SUMF1: variants seen among roughly 807,000 people sequenced by gnomAD.
The protein encoded by SUMF1 is formylglycine-generating enzyme.
A neutral mutation model predicts 47.6 loss-of-function variants in SUMF1; 48 were observed. The observed-to-expected ratio is 1.01, with a 90% CI of 0.80 to 1.28. The LOEUF (loss-of-function observed/expected upper bound fraction) is 1.28, where lower values mean the gene tolerates loss of function less well. Ranked by LOEUF, SUMF1 falls within the 50% of genes most tolerant of loss-of-function variation. The probability of loss-of-function intolerance (pLI) is 0.00; values close to 1 mark genes in which losing one functional copy is unlikely to be tolerated. For synonymous variants in SUMF1, 230 were observed against 192.1 expected (o/e 1.20, Z -1.63); for missense variants, 571 against 485.4 (o/e 1.18, Z -1.66).
Position 4,308,239 on chromosome 3 carries a change from T to A in SUMF1, c.1014+68091A>T, listed in dbSNP as rs1216331380. ...CCTAGACACAATTTTGGTTTGAATA[T>A]GTTTGAACCTGGAAAGTTTAACTCC... On this transcript the variant is annotated intron_variant and NMD_transcript_variant, in intron 8 of 12. Transcript: ENST00000448413. 2.6e-5 allele frequency among the ~76,000 whole-genome samples: 4 copies of A among 152,208 alleles called. No homozygotes were observed. The East Asian group carries it at 7.7e-4, about 29-fold the overall frequency.
intron 8 of SUMF1, among the ~76,000 whole-genome samples, chr3:4,196,750 C>A (rs1215076035): frequency 6.6e-6 from 1 of 152,160 alleles, no homozygotes; most frequent in African/African-American, 2.4e-5. Flanking sequence ...TATTTCCTCA[C>A]CTGCAATGTA....
intron 8 of SUMF1, among the ~76,000 whole-genome samples, chr3:4,214,966 G>T (rs1262808607): frequency 1.3e-5 from 2 of 152,058 alleles, no homozygotes; most frequent in African/African-American, 2.4e-5. Context: ...TCTATCAGAG[G>T]TACAAAGAGG....
chr3:4,449,388 T>A, intron 2 of SUMF1, 48 bp from the exon 3 acceptor site: 1 of 1,561,844 alleles, frequency 6.4e-7, no homozygotes, highest in Non-Finnish European at 8.8e-7. Context: ...TGTAGTAATG[T>A]GTTGCATGTG....
chr3:4,072,782 GA>G (rs746835411), intron 8 of SUMF1, among the ~76,000 whole-genome samples: 5 of 151,934 alleles, frequency 3.3e-5, no homozygotes, highest in Non-Finnish European at 7.4e-5. Context: ...CAAGATTAGA[GA>G]AAAAAAGAGT....
At chr3:4,220,509 ATT>A (rs966660690) in intron 8 of SUMF1, among the ~76,000 whole-genome samples, 12 of 151,678 alleles carry the variant, frequency 7.9e-5, no homozygotes, top group Non-Finnish European at 1.6e-4. Flanking sequence ...TTTCATTTTC[ATT>A]TGTTTCCTTT....
At chr3:4,465,507 G>A (rs911169331) in intron 1 of SUMF1, among the ~76,000 whole-genome samples, 3 of 151,424 alleles carry the variant, frequency 2.0e-5, no homozygotes, top group Non-Finnish European at 2.9e-5. Context: ...AAAAAAGAAA[G>A]AGAGATTGAT....
rs61612495 is a variant in SUMF1, at chr3:4,425,916, G to A, written c.520-5770C>T. On this transcript the variant is annotated intron_variant, in intron 3 of 8. Coordinates refer to ENST00000272902, the MANE Select transcript of SUMF1 (RefSeq NM_182760.4). ...AGAGGGCAAGAGAGCATGTGCAGGGGAACTCCCTTTTATAAAACCATCACC... is the reference window on the plus strand; with the variant it reads ...AGAGGGCAAGAGAGCATGTGCAGGGAAACTCCCTTTTATAAAACCATCACC... Among the ~76,000 whole-genome samples, 1,009 of 152,268 alleles carry A rather than the reference G, an allele frequency of 6.6e-3. 15 individuals are homozygous for A. The highest frequency in any genetic ancestry group is 0.023 in the African/African-American group (962 of 41,550).
At chr3:4,460,623 T>TGTGTGA (rs1230004054) in intron 1 of SUMF1, among the ~76,000 whole-genome samples, 2 of 147,348 alleles carry the variant, frequency 1.4e-5, no homozygotes, top group Non-Finnish European at 3.0e-5. Context: ...TGTGTGTGTG[T>TGTGTGA]GAGAGTGTGT....
intron 8 of SUMF1, among the ~76,000 whole-genome samples, chr3:4,121,778 C>T (rs958250515): frequency 1.3e-5 from 2 of 151,956 alleles, no homozygotes; most frequent in Non-Finnish European, 2.9e-5. Context: ...AGGTAAACTA[C>T]TGTCATGAGG....
intron 9 of SUMF1, among the ~76,000 whole-genome samples, chr3:4,038,417 G>C (rs1014818145): frequency 6.6e-6 from 1 of 152,142 alleles, no homozygotes; most frequent in African/African-American, 2.4e-5. Context: ...TACGGTCTTT[G>C]CTCCTTCATT....
At chr3:4,323,863 T>G (rs868318527) in intron 8 of SUMF1, among the ~76,000 whole-genome samples, 1 of 152,112 alleles carries the variant, frequency 6.6e-6, no homozygotes, top group Non-Finnish European at 1.5e-5. Flanking sequence ...AGATAAGAGA[T>G]AGATTAATTA....
chr3:4,084,375 A>G (rs576685889), intron 8 of SUMF1, among the ~76,000 whole-genome samples: 3 of 152,300 alleles, frequency 2.0e-5, no homozygotes, highest in Non-Finnish European at 4.4e-5. Flanking sequence ...AGTACAGCTC[A>G]TGGTTCTGAC....
At chr3:4,334,425 C>A (rs1002466673) in intron 8 of SUMF1, among the ~76,000 whole-genome samples, 2 of 152,166 alleles carry the variant, frequency 1.3e-5, no homozygotes, top group African/African-American at 4.8e-5. Flanking sequence ...TTTACAAGAT[C>A]TAGAATCACC....
intron 8 of SUMF1, among the ~76,000 whole-genome samples, chr3:4,243,811 A>G (rs1365413411): frequency 6.6e-6 from 1 of 152,192 alleles, no homozygotes; most frequent in African/African-American, 2.4e-5. Flanking sequence ...AGTCCTGGGT[A>G]GCCTTGTTAA....
At position 4,361,256 on chromosome 3, in the gene SUMF1, T is replaced by C. The variant is rs551541570; in HGVS notation, c.*888A>G. The C allele has an allele frequency of 6.5e-6, 1 of 152,758 alleles. No individual in the cohort carries two copies. Among genetic ancestry groups the C allele is most frequent in the Admixed American group, 6.5e-5 (1 of 15,300 alleles). The allele number at this position is 152,758 out of a possible 1,614,324, so 9.5% of individuals were successfully genotyped here. Reference sequence around the variant, plus strand: ...ATTACAAAATACCGGATACCCTGAATATAGCTCATTCAAGGTCCTCGTTCC... The same window carrying C: ...ATTACAAAATACCGGATACCCTGAACATAGCTCATTCAAGGTCCTCGTTCC... On this transcript the variant is annotated 3_prime_UTR_variant, in exon 9 of 9. Coordinates refer to ENST00000272902, the MANE Select transcript of SUMF1 (RefSeq NM_182760.4).
At chr3:4,097,946 C>G (rs1692942977) in intron 8 of SUMF1, among the ~76,000 whole-genome samples, 1 of 152,076 alleles carries the variant, frequency 6.6e-6, no homozygotes, top group African/African-American at 2.4e-5. Flanking sequence ...GCCTGCTGGT[C>G]TTGCTTAATC....
intron 8 of SUMF1, among the ~76,000 whole-genome samples, chr3:4,284,441 A>AAGGAGGAGGAGGAGGAGGAGG (rs72201582): frequency 6.1e-4 from 56 of 91,708 alleles, no homozygotes; most frequent in African/African-American, 1.5e-3. Flanking sequence ...TAAAAAATGA[A>AAGGAGGAGGAGGAGGAGGAGG]AGGAGGAGGA....
chr3:4,271,828 C>T (rs1697310670), intron 8 of SUMF1, among the ~76,000 whole-genome samples: 1 of 151,968 alleles, frequency 6.6e-6, no homozygotes, highest in Non-Finnish European at 1.5e-5. Context: ...TAATTAAAAA[C>T]TAAAATCATA....
At chr3:4,259,331 T>C (rs1417700650) in intron 8 of SUMF1, among the ~76,000 whole-genome samples, 2 of 152,220 alleles carry the variant, frequency 1.3e-5, no homozygotes, top group South Asian at 2.1e-4. Flanking sequence ...TGTACTTTCA[T>C]GGCTATTGCA....
Sources: allele counts gnomAD v4.1 joint callset (sites outside exome capture counted in the v4.1 genomes callset), GRCh38; gene constraint gnomAD v4.1.1; transcripts MANE v1.5; gene names NCBI Gene and HGNC (gene_info 2026-07-23, HGNC 2026-07-21).